Variants in ZAR1L observed in about 807,000 individuals in gnomAD.
ZAR1L encodes the protein protein ZAR1-like.
ZAR1L carries 16 observed loss-of-function variants against 30.0 expected under a neutral mutation model. The observed-to-expected ratio is 0.53, with a 90% confidence interval of 0.36 to 0.81. The LOEUF (loss-of-function observed/expected upper bound fraction) is 0.81. ZAR1L is among the 30% of genes least tolerant of loss of function. The pLI is 0.00. For synonymous variants in ZAR1L, 197 were observed against 166.8 expected, an observed-to-expected ratio of 1.18 and a Z score of -1.40; for missense variants, 392 against 417.2, an observed-to-expected ratio of 0.94 and a Z score of 0.53.
At chr13:32,309,473 A>G (rs1013307259) in intron 4 of ZAR1L, among the ~76,000 whole-genome samples, 9 of 152,130 alleles carry the variant, frequency 5.9e-5, no homozygotes, top group Non-Finnish European at 1.2e-4. Context: ...ACTTGTGGTT[A>G]CCCATCAATA....
chr13:32,304,417 T>G (rs1345465445), intron 5 of ZAR1L, among the ~76,000 whole-genome samples: 1 of 152,184 alleles, frequency 6.6e-6, no homozygotes, highest in Non-Finnish European at 1.5e-5. Flanking sequence ...TGTTTAGATT[T>G]GTAGGCAGGT....
chr13:32,304,977 T>C (rs892267871), intron 5 of ZAR1L, among the ~76,000 whole-genome samples: 2 of 151,866 alleles, frequency 1.3e-5, no homozygotes, highest in African/African-American at 4.8e-5. Context: ...GCCCAGCTAA[T>C]TTTTGTATTT....
intron 3 of ZAR1L, 112 bp downstream of exon 3, chr13:32,311,160 C>G (rs1401378845): frequency 7.2e-6 from 9 of 1,258,234 alleles, no homozygotes; most frequent in African/African-American, 1.5e-5. Flanking sequence ...TCTCCTTCAC[C>G]AAGTACATGG....
intron 5 of ZAR1L, among the ~76,000 whole-genome samples, chr13:32,304,401 T>C (rs1013406150): frequency 2.6e-5 from 4 of 152,238 alleles, no homozygotes. Context: ...TTCTTCACTC[T>C]GCAGATGTTT....
intron 3 of ZAR1L, 110 bp downstream of exon 3, chr13:32,311,162 A>G: frequency 8.0e-7 from 1 of 1,251,028 alleles, no homozygotes; most frequent in Non-Finnish European, 1.1e-6. Context: ...TCCTTCACCA[A>G]GTACATGGAA....
intron 5 of ZAR1L, among the ~76,000 whole-genome samples, chr13:32,307,617 G>A (rs1268852274): frequency 6.8e-6 from 1 of 148,028 alleles, no homozygotes; most frequent in Non-Finnish European, 1.5e-5. Flanking sequence ...TGATAGAAAG[G>A]AATATTGAAT....
intron 4 of ZAR1L, among the ~76,000 whole-genome samples, chr13:32,310,178 C>T (rs748645044): frequency 2.6e-5 from 4 of 152,272 alleles, no homozygotes; most frequent in Non-Finnish European, 5.9e-5. Context: ...AAGCCTTTTC[C>T]AGTCCTAATA....
intron 5 of ZAR1L, among the ~76,000 whole-genome samples, chr13:32,306,019 A>G (rs2072172041): frequency 6.6e-6 from 1 of 152,274 alleles, no homozygotes; most frequent in East Asian, 1.9e-4. Context: ...AATATGTTCA[A>G]GGAAATAAAA....
intron 2 of ZAR1L, among the ~76,000 whole-genome samples, chr13:32,313,273 C>T (rs1465092045): frequency 6.6e-6 from 1 of 152,322 alleles, no homozygotes; most frequent in Admixed American, 6.5e-5. Context: ...ATGTTAATTG[C>T]TTGACTATAG....
intron 4 of ZAR1L, among the ~76,000 whole-genome samples, chr13:32,310,201 A>G (rs2072202487): frequency 6.6e-6 from 1 of 152,262 alleles, no homozygotes; most frequent in Non-Finnish European, 1.5e-5. Context: ...TTGGCAATTA[A>G]ATTAGGAAGG....
At chr13:32,306,930 C>A (rs1306232564) in intron 5 of ZAR1L, among the ~76,000 whole-genome samples, 46 of 59,070 alleles carry the variant, frequency 7.8e-4, no homozygotes, top group South Asian at 1.6e-3. Context: ...GACTCTATCT[C>A]AAAAAAAAAA....
At chr13:32,308,099 C>G (rs938108907) in intron 5 of ZAR1L, among the ~76,000 whole-genome samples, 6 of 152,120 alleles carry the variant, frequency 3.9e-5, no homozygotes, top group Admixed American at 1.3e-4. Flanking sequence ...CCATGCCTGG[C>G]CTATTTATTT....
chr13:32,311,227 G>A (rs1231455978), intron 3 of ZAR1L, 45 bp downstream of exon 3: 6 of 1,494,384 alleles, frequency 4.0e-6, no homozygotes, highest in Admixed American at 4.5e-5. Context: ...AGGAGGGAGG[G>A]GATGAGGCTG....
chr13:32,310,489 A>G (rs2072204375), intron 4 of ZAR1L, 150 bp downstream of exon 4: 2 of 617,322 alleles, frequency 3.2e-6, no homozygotes, highest in Non-Finnish European at 2.9e-6. Context: ...CCATTCATTC[A>G]CTGAGCACTT....
rs906107210 is a variant in ZAR1L at position 32,312,745 on chromosome 13, G to A, written c.-168-652C>T. ...ATACAAAAATCAGCCGGGTATGGTG[G>A]CACGCTCCTGTAATCCCAGCTACTC... On this transcript the variant is annotated intron_variant, in intron 2 of 5. Transcript: ENST00000533490. Among the ~76,000 whole-genome samples the A allele has an allele frequency of 2.6e-5, 4 of 152,114 alleles. No individual in the cohort carries two copies. In the East Asian group the frequency reaches 7.7e-4, roughly 29 times the overall value.
At chr13:32,308,521 G>C (rs888792259) in intron 5 of ZAR1L, among the ~76,000 whole-genome samples, 165 bp downstream of exon 5, 2 of 152,148 alleles carry the variant, frequency 1.3e-5, no homozygotes, top group Admixed American at 6.5e-5. Flanking sequence ...CTTCAAAAAA[G>C]ATGCAAACTA....
In ZAR1L at chr13:32,312,047, G is replaced by T. The variant is rs766777323; in HGVS notation, c.-122C>A. ...TCAGGTTGGTTCAGATTCATTCCTG[G>T]CTTCTCCATTTATTTCAGATTCTAA... is the stretch of plus-strand genomic sequence containing the variant. On this transcript the variant is annotated 5_prime_UTR_variant, in exon 3 of 6. Coordinates refer to ENST00000533490, the MANE Select transcript of ZAR1L (RefSeq NM_001136571.2). 1 of 1,147,240 alleles carries T rather than the reference G, an allele frequency of 8.7e-7. No homozygotes were observed. The highest frequency in any genetic ancestry group is 1.2e-6 in the Non-Finnish European group (1 of 836,286). The allele number at this position is 1,147,240 out of a possible 1,614,324, so 71.1% of individuals were successfully genotyped here.
At chr13:32,308,832 T>C in intron 4 of ZAR1L, 72 bp from the exon 5 acceptor site, 1 of 1,036,404 alleles carries the variant, frequency 9.6e-7, no homozygotes, top group South Asian at 1.4e-5. Flanking sequence ...CTCCCAGTTC[T>C]TAAGTAATCC....
chr13:32,311,186 AT>A, intron 3 of ZAR1L, 85 bp downstream of exon 3: 2 of 1,379,666 alleles, frequency 1.4e-6, no homozygotes, highest in Non-Finnish European at 1.9e-6. Context: ...GAGAGAGAAG[AT>A]TTTGCTCTTA....
Sources: allele counts gnomAD v4.1 joint callset (sites outside exome capture counted in the v4.1 genomes callset), GRCh38; gene constraint gnomAD v4.1.1; transcripts MANE v1.5; gene names NCBI Gene and HGNC (gene_info 2026-07-23, HGNC 2026-07-21).